Variants in SLC2A13 observed in about 807,000 individuals in gnomAD.
SLC2A13 encodes the protein solute carrier family 2 member 13.
Under a neutral mutation model 64.4 loss-of-function variants are expected in SLC2A13, and 32 were observed. That is an observed-to-expected ratio of 0.50 (90% confidence interval 0.37 to 0.67). The LOEUF is 0.67. Among genes scored for constraint, SLC2A13 ranks in the 30% least tolerant of loss-of-function variants. The probability of loss-of-function intolerance (pLI) is 0.00; values close to 1 mark genes in which losing one functional copy is unlikely to be tolerated. For missense variants in SLC2A13, 743 were observed against 829.2 expected (o/e 0.90, Z 1.28); for synonymous variants, 338 against 327.1 (o/e 1.03, Z -0.36).
At chr12:40,074,807 G>T (rs752439470) in intron 1 of SLC2A13, among the ~76,000 whole-genome samples, 1 of 152,174 alleles carries the variant, frequency 6.6e-6, no homozygotes, top group Non-Finnish European at 1.5e-5. Context: ...TAAGGTGTAG[G>T]AGAAGGAGAA....
intron 3 of SLC2A13, among the ~76,000 whole-genome samples, chr12:40,008,534 C>T (rs1413233846): frequency 6.6e-6 from 1 of 152,010 alleles, no homozygotes; most frequent in Non-Finnish European, 1.5e-5. Flanking sequence ...TGGCTTGAAC[C>T]CAGGAGGCGG....
At chr12:40,036,092 A>G (rs1371510230) in intron 2 of SLC2A13, among the ~76,000 whole-genome samples, 3 of 152,170 alleles carry the variant, frequency 2.0e-5, no homozygotes, top group Non-Finnish European at 4.4e-5. Context: ...TGATCAACAG[A>G]CATCCCCTGC....
intron 7 of SLC2A13, among the ~76,000 whole-genome samples, chr12:39,808,834 A>C (rs1381701541): frequency 6.6e-6 from 1 of 152,088 alleles, no homozygotes; most frequent in South Asian, 2.1e-4. Flanking sequence ...AGATATACTT[A>C]TTGTAAATAA....
chr12:39,766,585 T>C (rs1214452768), intron 7 of SLC2A13, among the ~76,000 whole-genome samples: 1 of 151,984 alleles, frequency 6.6e-6, no homozygotes, highest in Non-Finnish European at 1.5e-5. Context: ...TGACTGACTT[T>C]TCCCTTCACT....
At chr12:39,931,233 A>T (rs1040885247) in intron 4 of SLC2A13, among the ~76,000 whole-genome samples, 1 of 152,172 alleles carries the variant, frequency 6.6e-6, no homozygotes, top group Non-Finnish European at 1.5e-5. Context: ...TTGCTGTCAG[A>T]ACCACTATAA....
intron 7 of SLC2A13, among the ~76,000 whole-genome samples, chr12:39,793,586 C>A (rs1941477857): frequency 6.6e-6 from 1 of 152,152 alleles, no homozygotes; most frequent in South Asian, 2.1e-4. Context: ...GAGAACATTT[C>A]TAACGTGAAG....
At chr12:39,852,712 T>TG (rs1443051899) in intron 6 of SLC2A13, among the ~76,000 whole-genome samples, 1 of 152,210 alleles carries the variant, frequency 6.6e-6, no homozygotes, top group Non-Finnish European at 1.5e-5. Context: ...CTACTCCCTT[T>TG]GTAACCTCCA....
At chr12:39,961,676 A>T (rs954713729) in intron 3 of SLC2A13, among the ~76,000 whole-genome samples, 10 of 149,140 alleles carry the variant, frequency 6.7e-5, no homozygotes, top group East Asian at 3.9e-4. Flanking sequence ...TTAAAAAAAA[A>T]TTTTTTTTTT....
intron 4 of SLC2A13, among the ~76,000 whole-genome samples, chr12:39,937,432 C>T (rs1945935813): frequency 6.6e-6 from 1 of 152,148 alleles, no homozygotes; most frequent in African/African-American, 2.4e-5. Context: ...ACTGGTGTTA[C>T]CTTCAAACTC....
chr12:39,765,609 T>C (rs188700270), intron 7 of SLC2A13, among the ~76,000 whole-genome samples: 58 of 152,198 alleles, frequency 3.8e-4, no homozygotes, highest in African/African-American at 1.4e-3. Flanking sequence ...ATTGTTACCA[T>C]ATTTATGAAC....
intron 6 of SLC2A13, among the ~76,000 whole-genome samples, chr12:39,863,772 A>G (rs973791811): frequency 6.6e-6 from 1 of 152,196 alleles, no homozygotes; most frequent in Non-Finnish European, 1.5e-5. Context: ...AAAGGCACAT[A>G]GATCACAATT....
chr12:40,024,674 G>A lies in SLC2A13; in HGVS notation c.925+3627C>T, dbSNP rs369250372. ...TGCCTTATCCAATGAGAATGGACCA[G>A]AATCTTGTCAGTCTTATTTACTGCC... On this transcript the variant is annotated intron_variant, in intron 3 of 9. Transcript: ENST00000280871. Among the ~76,000 whole-genome samples, 37 of 152,176 alleles carry A rather than the reference G, an allele frequency of 2.4e-4. No individual in the cohort carries two copies. The South Asian group carries it at 6.9e-3, about 28-fold the overall frequency.
intron 3 of SLC2A13, among the ~76,000 whole-genome samples, chr12:40,009,780 C>T (rs1037991815): frequency 4.6e-5 from 7 of 152,154 alleles, no homozygotes; most frequent in Admixed American, 2.6e-4. Context: ...GAACTCTGCT[C>T]TAAAGTCCAA....
At chr12:40,081,021 A>G (rs1476101304) in intron 1 of SLC2A13, among the ~76,000 whole-genome samples, 1 of 152,046 alleles carries the variant, frequency 6.6e-6, no homozygotes, top group African/African-American at 2.4e-5. Flanking sequence ...GCTGCTGAAT[A>G]TAAGCCCCCC....
At chr12:39,785,099 C>A (rs955699890) in intron 7 of SLC2A13, among the ~76,000 whole-genome samples, 5 of 152,294 alleles carry the variant, frequency 3.3e-5, no homozygotes, top group African/African-American at 9.6e-5. Context: ...GCATAAGTAG[C>A]AAGGGGCCTA....
chr12:39,809,155 C>A (rs1473118751), intron 7 of SLC2A13, among the ~76,000 whole-genome samples: 3 of 152,106 alleles, frequency 2.0e-5, no homozygotes, highest in Non-Finnish European at 2.9e-5. Context: ...GTATTAGGAC[C>A]ATTTGTTGAA....
chr12:40,011,482 C>G (rs986911289), intron 3 of SLC2A13, among the ~76,000 whole-genome samples: 2 of 152,170 alleles, frequency 1.3e-5, no homozygotes, highest in Non-Finnish European at 2.9e-5. Context: ...TCTTTTCCTT[C>G]AAGTTTTATT....
At chr12:40,030,888 C>A (rs1264033044) in intron 2 of SLC2A13, among the ~76,000 whole-genome samples, 1 of 152,194 alleles carries the variant, frequency 6.6e-6, no homozygotes, top group African/African-American at 2.4e-5. Flanking sequence ...CCGAAATGTA[C>A]AATTCCGTTG....
chr12:39,775,942 C>T (rs560913198), intron 7 of SLC2A13, among the ~76,000 whole-genome samples: 34 of 152,298 alleles, frequency 2.2e-4, no homozygotes, highest in African/African-American at 6.5e-4. Flanking sequence ...CTTTGAGCAT[C>T]ATGTCAGCAC....
Sources: allele counts gnomAD v4.1 joint callset (sites outside exome capture counted in the v4.1 genomes callset), GRCh38; gene constraint gnomAD v4.1.1; transcripts MANE v1.5; gene names NCBI Gene and HGNC (gene_info 2026-07-23, HGNC 2026-07-21).